ZFR2: variants seen among roughly 807,000 people sequenced by gnomAD.
ZFR2 encodes zinc finger RNA-binding protein 2.
In ZFR2, 104 loss-of-function variants were observed where a neutral mutation model predicts 105.7. The ratio of observed to expected loss-of-function variants is 0.98; its 90% CI spans 0.84 to 1.16. The LOEUF is 1.16. Among genes scored for constraint, ZFR2 ranks in the 50% most tolerant of loss-of-function variants. The pLI, the probability that ZFR2 is intolerant of heterozygous loss-of-function variation, is 0.00. For synonymous variants in ZFR2, 634 were observed against 597.7 expected, an observed-to-expected ratio of 1.06 and a Z score of -0.89; for missense variants, 1,425 against 1,355.5, an observed-to-expected ratio of 1.05 and a Z score of -0.80.
At chr19:3,854,770 TTTTTG>T (rs1423124857) in intron 1 of ZFR2, among the ~76,000 whole-genome samples, 7 of 152,080 alleles carry the variant, frequency 4.6e-5, no homozygotes, top group Non-Finnish European at 7.4e-5. Flanking sequence ...ATTAAGAGGT[TTTTTG>T]TTTTAAGAGA....
chr19:3,861,997 A>T (rs2038379519), intron 1 of ZFR2, among the ~76,000 whole-genome samples: 1 of 152,032 alleles, frequency 6.6e-6, no homozygotes. Context: ...TGTTTTCCTT[A>T]TTTTTCTAGG....
chr19:3,809,444 CCT>C (rs1389104345), intron 16 of ZFR2, among the ~76,000 whole-genome samples: 3 of 152,310 alleles, frequency 2.0e-5, no homozygotes, highest in African/African-American at 4.8e-5. Context: ...CCACGTCCCC[CCT>C]GTGGCCAGTT....
At chr19:3,807,828 GCA>G (rs2037716353) in intron 17 of ZFR2, among the ~76,000 whole-genome samples, 1 of 147,268 alleles carries the variant, frequency 6.8e-6, no homozygotes, top group South Asian at 2.2e-4. Context: ...GCCTGTATGT[GCA>G]CTCATTCCAT....
chr19:3,853,680 G>T (rs990761324), intron 1 of ZFR2, among the ~76,000 whole-genome samples: 2 of 152,082 alleles, frequency 1.3e-5, no homozygotes, highest in Non-Finnish European at 2.9e-5. Flanking sequence ...CTGAAGGAGG[G>T]GTTAAAAGTA....
chr19:3,858,851 A>G lies in ZFR2; in HGVS notation c.53+10114T>C. Among the ~76,000 whole-genome samples the G allele has an allele frequency of 6.6e-6, 1 of 151,716 alleles. No individual in the cohort carries two copies. The highest frequency in any genetic ancestry group is 2.4e-5 in the African/African-American group (1 of 41,350). ...AAAACTAAAATAATTAAAAACAAGG[A>G]CTCTTTCTTCCCGAACACAGCTCAT... On this transcript the variant is annotated intron_variant, in intron 1 of 18. Transcript: ENST00000262961. This position sits in a 1 kb window ranked among gnomAD's most constrained non-coding sequence, Gnocchi z 4.3.
At chr19:3,857,643 C>G (rs980616404) in intron 1 of ZFR2, among the ~76,000 whole-genome samples, 1 of 149,746 alleles carries the variant, frequency 6.7e-6, no homozygotes, top group Non-Finnish European at 1.5e-5. Flanking sequence ...TTGCTGTGAG[C>G]CGAGATTGCG....
intron 1 of ZFR2, among the ~76,000 whole-genome samples, chr19:3,850,704 G>A (rs2038228643): frequency 6.9e-6 from 1 of 145,310 alleles, no homozygotes; most frequent in Non-Finnish European, 1.5e-5. Flanking sequence ...CAAGATACTG[G>A]GATCCCATCT....
chr19:3,836,153 G>A (rs1379167980), intron 1 of ZFR2, among the ~76,000 whole-genome samples: 1 of 152,056 alleles, frequency 6.6e-6, no homozygotes, highest in Non-Finnish European at 1.5e-5. Flanking sequence ...TACAATGTAA[G>A]CACTATGCCG....
chr19:3,823,272 G>C lies in ZFR2; in HGVS notation c.1345C>G (p.Pro449Ala), dbSNP rs1432306736. 37 of 1,613,854 alleles carry C rather than the reference G, an allele frequency of 2.3e-5. No individual in the cohort carries two copies. The highest frequency in any genetic ancestry group is 2.9e-5 in the Non-Finnish European group (34 of 1,179,892). Reference sequence around the variant, plus strand: ...TCCTCCACATATTCCGGGCCCACCGGCTGCGCATCAGAGCAGCCCGCGGGA... The same window carrying C: ...TCCTCCACATATTCCGGGCCCACCGCCTGCGCATCAGAGCAGCCCGCGGGA... The part of the protein sequence containing the change: ...EAPAGCSDAQ[P>A]VGPEYVEEVF... Residue 449 changes from proline to alanine, a missense_variant, in exon 8 of 19, where the codon CCG becomes GCG. Coordinates refer to ENST00000262961, the MANE Select transcript of ZFR2 (RefSeq NM_015174.2). The surrounding 1 kb of genome is among the most constrained non-coding windows in gnomAD (Gnocchi z 5.4).
At chr19:3,847,053 A>C (rs897602748) in intron 1 of ZFR2, among the ~76,000 whole-genome samples, 1 of 152,060 alleles carries the variant, frequency 6.6e-6, no homozygotes, top group Non-Finnish European at 1.5e-5. Context: ...GTTGGTGCTG[A>C]CTGTTGGTGG....
At chr19:3,832,330 T>TTA (rs1568425347) in intron 3 of ZFR2, among the ~76,000 whole-genome samples, 1 of 151,228 alleles carries the variant, frequency 6.6e-6, no homozygotes, top group Non-Finnish European at 1.5e-5. Context: ...TATTATTATT[T>TTA]TTTTTTTTTT....
chr19:3,840,291 GAAATGGTGT>G (rs1568427973), intron 1 of ZFR2, among the ~76,000 whole-genome samples: 1 of 151,838 alleles, frequency 6.6e-6, no homozygotes, highest in Non-Finnish European at 1.5e-5. Context: ...AGGCTGGAGT[GAAATGGTGT>G]GATCTCGGCT....
At position 3,859,544 on chromosome 19, in the gene ZFR2, C is replaced by T. The variant is rs2038347850; in HGVS notation, c.53+9421G>A. Among the ~76,000 whole-genome samples the T allele has an allele frequency of 2.0e-5, 3 of 152,240 alleles. No individual in the cohort carries two copies. The South Asian group carries it at 6.2e-4, about 32-fold the overall frequency. On this transcript the variant is annotated intron_variant, in intron 1 of 18. Transcript: ENST00000262961. Reference sequence around the variant, plus strand: ...CCACTGACTTCCGTGCCCCGGGAACCGCTGGAGAACACCTGCACTCCCGCG... The same window carrying T: ...CCACTGACTTCCGTGCCCCGGGAACTGCTGGAGAACACCTGCACTCCCGCG...
intron 16 of ZFR2, among the ~76,000 whole-genome samples, chr19:3,809,195 C>T (rs889848239): frequency 1.3e-5 from 2 of 152,204 alleles, no homozygotes; most frequent in African/African-American, 2.4e-5. Flanking sequence ...TTTCTGAGAG[C>T]GGAGTCTCGC....
Position 3,823,134 on chromosome 19 carries a change from C to G in ZFR2, c.1371+112G>C. ...AGGTCTGGCCTGTGCAGCTCAGGAA[C>G]GGGGATGGGTCTGTAAATCTCGCTG... is the stretch of plus-strand genomic sequence containing the variant. On this transcript the variant is annotated intron_variant, in intron 8 of 18. Coordinates refer to ENST00000262961, the MANE Select transcript of ZFR2 (RefSeq NM_015174.2). This position sits in a 1 kb window ranked among gnomAD's most constrained non-coding sequence, Gnocchi z 5.4. The G allele has an allele frequency of 6.7e-7, 1 of 1,482,068 alleles. No individual in the cohort carries two copies. Among genetic ancestry groups the G allele is most frequent in the Non-Finnish European group, 9.3e-7 (1 of 1,079,028 alleles). 91.8% of individuals were successfully genotyped at this position (1,482,068 alleles called of 1,614,324 possible).
In ZFR2 at chr19:3,813,190, G is replaced by T. The variant is rs757756745; in HGVS notation, c.2242+630C>A. Among the ~76,000 whole-genome samples the T allele has an allele frequency of 3.3e-5, 5 of 152,338 alleles. 1 individual carries two copies. In the South Asian group the frequency reaches 6.2e-4, roughly 19 times the overall value. ...ACGAAGGGGGTAAAAGATGATAGGA[G>T]TTTGGAAAACTGCCCTAGAGACTGT... On this transcript the variant is annotated intron_variant, in intron 14 of 18. Transcript: ENST00000262961. The surrounding 1 kb of genome is among the most constrained non-coding windows in gnomAD (Gnocchi z 4.4).
chr19:3,822,140 T>G lies in ZFR2; in HGVS notation c.1432A>C (p.Asn478His). The G allele has an allele frequency of 6.2e-7, 1 of 1,610,266 alleles. No individual in the cohort carries two copies. The highest frequency in any genetic ancestry group is 8.5e-7 in the Non-Finnish European group (1 of 1,178,632). The change falls in exon 9 of 19, where the codon AAC becomes CAC. Residue 478 changes from asparagine to histidine, a missense_variant. Physicochemically the swap from Asn to His is moderately conservative, Grantham distance 68. Coordinates refer to ENST00000262961, the MANE Select transcript of ZFR2 (RefSeq NM_015174.2). ...TGCAGGTCCTTCGCGTTAAGGTCGT[T>G]GAAACTGCACTCGCACAGCTTGCAG... ...FHCKLCECSF[N>H]DLNAKDLHVR...
chr19:3,819,318 T>G (rs1599226359), intron 11 of ZFR2, 83 bp from the exon 12 acceptor site: 1 of 950,660 alleles, frequency 1.1e-6, no homozygotes. Flanking sequence ...TGGGGGCAGG[T>G]GGCCGTGGCC....
chr19:3,820,132 C>T lies in ZFR2; in HGVS notation c.1740+50G>A, dbSNP rs548680223. The T allele has an allele frequency of 8.2e-5, 126 of 1,530,244 alleles. 1 individual carries two copies. The South Asian group carries it at 1.2e-3, about 15-fold the overall frequency. The allele number at this position is 1,530,244 out of a possible 1,614,324, so 94.8% of individuals were successfully genotyped here. A position where few individuals can be genotyped will look rare whatever the true frequency, so the allele number is the denominator to read the frequency against. On this transcript the variant is annotated intron_variant, in intron 11 of 18. Coordinates refer to ENST00000262961, the MANE Select transcript of ZFR2 (RefSeq NM_015174.2). ...CCTCCCGAGGAGGTGTCCGCTGCTCCGGGGAGTGTGAGGTCGCCCGCGTTT... is the reference window on the plus strand; with the variant it reads ...CCTCCCGAGGAGGTGTCCGCTGCTCTGGGGAGTGTGAGGTCGCCCGCGTTT...
Sources: allele counts gnomAD v4.1 joint callset (sites outside exome capture counted in the v4.1 genomes callset), GRCh38; gene constraint gnomAD v4.1.1; non-coding constraint Gnocchi (gnomAD v3.1); transcripts MANE v1.5; gene names NCBI Gene and HGNC (gene_info 2026-07-23, HGNC 2026-07-21).